TUBB8: variants seen among roughly 807,000 people sequenced by gnomAD.
TUBB8 encodes the protein tubulin beta 8 class VIII.
TUBB8 carries 25 observed loss-of-function variants against 33.7 expected under a neutral mutation model. The ratio of observed to expected loss-of-function variants is 0.74; its 90% CI spans 0.54 to 1.04. The LOEUF is 1.04. Ranked by LOEUF, TUBB8 falls within the 50% of genes least tolerant of loss-of-function variation. The pLI, the probability that TUBB8 is intolerant of heterozygous loss-of-function variation, is 0.00. For missense variants in TUBB8, 279 were observed against 608.0 expected, an observed-to-expected ratio of 0.46 and a Z score of 5.69; for synonymous variants, 245 against 240.1, an observed-to-expected ratio of 1.02 and a Z score of -0.19.
At chr10:72,901 G>T (rs1834757224) in intron 1 of TUBB8, among the ~76,000 whole-genome samples, 1 of 151,204 alleles carries the variant, frequency 6.6e-6, no homozygotes. Flanking sequence ...AGACACCGCA[G>T]GGCCATACGG....
intron 1 of TUBB8, among the ~76,000 whole-genome samples, chr10:65,625 T>G (rs1834660734): frequency 6.6e-6 from 1 of 152,224 alleles, no homozygotes; most frequent in Admixed American, 6.5e-5. Context: ...CTCAGGTGGC[T>G]GAGGCAGGAG....
At chr10:70,143 A>C (rs185750229) in intron 1 of TUBB8, among the ~76,000 whole-genome samples, 1 of 152,354 alleles carries the variant, frequency 6.6e-6, no homozygotes, top group East Asian at 1.9e-4. Context: ...GTGTTGTGTT[A>C]GACAGGAATT....
chr10:47,950 C>A lies in TUBB8; in HGVS notation c.442G>T (p.Gly148Cys). The change falls in exon 4 of 4, where the codon GGT (glycine) becomes TGT (cysteine). Residue 148 changes from glycine (G) to cysteine (C), a missense_variant. Coordinates refer to ENST00000568584, the MANE Select transcript of TUBB8 (RefSeq NM_177987.3). ...SLGGGTGSGM[G>C]TLLLSKIREE... ...CGGATCTTACTGAGCAGAAGGGTACCCATCCCAGACCCAGTCCCCCCACCC... is the reference window on the plus strand; with the variant it reads ...CGGATCTTACTGAGCAGAAGGGTACACATCCCAGACCCAGTCCCCCCACCC... 6.2e-7 allele frequency: 1 copy of A among 1,614,140 alleles called. No individual in the cohort carries two copies.
At chr10:49,718 A>G, upstream of TUBB8, 1 of 386,718 alleles carries the variant, frequency 2.6e-6, no homozygotes, top group South Asian at 1.9e-5. Context: ...GGACTCAATT[A>G]TACGTTTTAC....
intron 1 of TUBB8, among the ~76,000 whole-genome samples, chr10:65,210 C>T (rs1358440800): frequency 1.3e-5 from 2 of 152,196 alleles, no homozygotes; most frequent in Non-Finnish European, 2.9e-5. Flanking sequence ...AACCCTAAAC[C>T]CTGACTTTGA....
chr10:74,758 G>T (rs1190228117), upstream of TUBB8, among the ~76,000 whole-genome samples: 1 of 152,128 alleles, frequency 6.6e-6, no homozygotes, highest in African/African-American at 2.4e-5. Flanking sequence ...AGGTGCAGTG[G>T]CTCACGCCTG....
At chr10:50,862 C>A (rs1834458845), upstream of TUBB8, among the ~76,000 whole-genome samples, 1 of 152,210 alleles carries the variant, frequency 6.6e-6, no homozygotes, top group Non-Finnish European at 1.5e-5. Context: ...TCCTGTTTTC[C>A]TGATGCATAA....
At chr10:54,606 A>G (rs1353445662) in intron 1 of TUBB8, among the ~76,000 whole-genome samples, 1 of 152,118 alleles carries the variant, frequency 6.6e-6, no homozygotes, top group Non-Finnish European at 1.5e-5. Flanking sequence ...TTATTTGCCT[A>G]TTTGCCACTT....
chr10:53,589 C>T (rs1291499472), upstream of TUBB8, among the ~76,000 whole-genome samples: 1 of 152,198 alleles, frequency 6.6e-6, no homozygotes. Context: ...TAAGGCCATA[C>T]CTCTTAGTTT....
At chr10:56,965 A>G (rs1382866686) in intron 1 of TUBB8, among the ~76,000 whole-genome samples, 1 of 152,132 alleles carries the variant, frequency 6.6e-6, no homozygotes, top group African/African-American at 2.4e-5. Context: ...CAAATTAAGT[A>G]CTTCCAAGAT....
intron 1 of TUBB8, among the ~76,000 whole-genome samples, chr10:57,285 A>G (rs1660759258): frequency 6.6e-6 from 1 of 152,186 alleles, no homozygotes; most frequent in Admixed American, 6.5e-5. Context: ...CTGTAGCTAG[A>G]TCTACCATTC....
At chr10:53,418 G>A (rs1235961177), upstream of TUBB8, among the ~76,000 whole-genome samples, 24 of 150,192 alleles carry the variant, frequency 1.6e-4, no homozygotes, top group South Asian at 6.3e-4. Flanking sequence ...ATGAGCCACT[G>A]CTCCCAGCCA....
intron 1 of TUBB8, among the ~76,000 whole-genome samples, chr10:64,534 C>A (rs1280916384): frequency 6.6e-6 from 1 of 152,028 alleles, no homozygotes; most frequent in Non-Finnish European, 1.5e-5. Flanking sequence ...AACCCTAACA[C>A]TAACCATCTA....
At chr10:60,700 A>C (rs539337258) in intron 1 of TUBB8, among the ~76,000 whole-genome samples, 1 of 152,186 alleles carries the variant, frequency 6.6e-6, no homozygotes. Context: ...TAGAAATACC[A>C]TTTGACCCAG....
At chr10:66,476 C>T (rs1282294467) in intron 1 of TUBB8, among the ~76,000 whole-genome samples, 5 of 152,178 alleles carry the variant, frequency 3.3e-5, no homozygotes, top group Non-Finnish European at 5.9e-5. Flanking sequence ...CAGGAAAACA[C>T]TCTCTCTACA....
chr10:76,569 G>T (rs561563867), upstream of TUBB8, among the ~76,000 whole-genome samples: 18 of 151,800 alleles, frequency 1.2e-4, no homozygotes, highest in South Asian at 4.2e-4. Flanking sequence ...GGTGGGTGCT[G>T]AGAGGAAGCT....
upstream of TUBB8, among the ~76,000 whole-genome samples, chr10:53,367 A>G (rs1834492118): frequency 2.0e-5 from 3 of 152,324 alleles, no homozygotes; most frequent in South Asian, 6.2e-4. Flanking sequence ...ACAACAAGTG[A>G]TCTGCCCACC....
chr10:47,298 G>A lies in TUBB8; in HGVS notation c.1094C>T (p.Ala365Val), dbSNP rs200765980. Residue 365 changes from alanine to valine, a missense_variant, in exon 4 of 4, where the codon GCC becomes GTC. This residue lies in a region of TUBB8 where 123 missense variants were observed against 228.9 expected (regional missense o/e 0.54). Transcript: ENST00000568584. ...DIPPRGLKMS[A>V]TFIGNNTAIQ... The stretch of plus-strand genomic sequence containing the variant: ...GGCCGTATTATTCCCAATGAAGGTG[G>A]CTGACATTTTTAGCCCCCGGGGTGG... The A allele has an allele frequency of 1.2e-5, 20 of 1,613,604 alleles. No individual in the cohort carries two copies. Among genetic ancestry groups the A allele is most frequent in the African/African-American group, 2.7e-5 (2 of 74,904 alleles).
chr10:73,945 G>A (rs1834772124), intron 1 of TUBB8: 2 of 155,246 alleles, frequency 1.3e-5, no homozygotes, highest in Non-Finnish European at 1.5e-5. Context: ...CACTCGCAGC[G>A]CGGGCAGGAA....
Sources: gnomAD v4.1 joint callset for allele counts (sites outside exome capture counted in the v4.1 genomes callset) on GRCh38, gnomAD v4.1.1 for gene constraint, gnomAD v4.1.1 regional missense constraint, MANE v1.5 for transcripts, NCBI Gene and HGNC (gene_info 2026-07-23, HGNC 2026-07-21) for gene names.